ZNF268: variants seen among roughly 807,000 people sequenced by gnomAD.
The protein encoded by ZNF268 is zinc finger protein 3.
ZNF268 carries 20 observed loss-of-function variants against 29.3 expected under a neutral mutation model. The ratio of observed to expected loss-of-function variants is 0.68; its 90% CI spans 0.48 to 0.99. The LOEUF is 0.99. ZNF268 is among the 50% of genes least tolerant of loss of function. ZNF268 has a pLI of 0.00. For missense variants in ZNF268, 1,240 were observed against 1,121.6 expected (o/e 1.11, Z -1.51); for synonymous variants, 429 against 376.9 (o/e 1.14, Z -1.60).
chr12:133,196,353 G>A (rs560683622), intron 5 of ZNF268, among the ~76,000 whole-genome samples: 1 of 146,372 alleles, frequency 6.8e-6, no homozygotes, highest in African/African-American at 2.5e-5. Flanking sequence ...CTGTCTTTTA[G>A]TTACTGGGTT....
Position 133,203,628 on chromosome 12 carries a change from G to T in ZNF268, c.1942G>T (p.Ala648Ser). Residue 648 changes from alanine (A) to serine (S), a missense_variant, in exon 6 of 6, where the codon GCC becomes TCC. Ala to Ser is a moderately conservative substitution (Grantham distance 99). Around this residue, in one of 3 missense-constraint regions of ZNF268, gnomAD observed 1,177 missense variants for 1,039.6 expected, o/e 1.13. Coordinates refer to ENST00000536435, the MANE Select transcript of ZNF268 (RefSeq NM_003415.3). ...CTATAGTTGTAATGAATGTGGAAAA[G>T]CCTTTACGTTCAAATCACAGCTCAT... ...KPYSCNECGK[A>S]FTFKSQLIVH... The T allele has an allele frequency of 6.4e-7, 1 of 1,565,330 alleles. No homozygotes were observed. The highest frequency in any genetic ancestry group is 1.9e-5 in the Admixed American group (1 of 53,098).
At chr12:133,190,486 C>T (rs1379731982) in intron 3 of ZNF268, among the ~76,000 whole-genome samples, 1 of 152,072 alleles carries the variant, frequency 6.6e-6, no homozygotes, top group Non-Finnish European at 1.5e-5. Context: ...GGATTTTATC[C>T]ATTCTAATAG....
intron 5 of ZNF268, among the ~76,000 whole-genome samples, chr12:133,195,494 C>G (rs1956571378): frequency 6.6e-6 from 1 of 152,098 alleles, no homozygotes; most frequent in Non-Finnish European, 1.5e-5. Flanking sequence ...CACTTGAGGC[C>G]AGGAGCTTAA....
Position 133,203,890 on chromosome 12 carries a change from T to A in ZNF268, c.2204T>A (p.Phe735Tyr). Residue 735 changes from phenylalanine (F) to tyrosine (Y), a missense_variant, in exon 6 of 6, where the codon TTC becomes TAC. By Grantham distance (22) the Phe-to-Tyr change is conservative (BLOSUM62 3). Transcript: ENST00000536435. ...AGGGAATGCGGGAAATCCTTTAGTTTCAATTCACAACTCATTGTGCATCAG... is the reference window on the plus strand; with the variant it reads ...AGGGAATGCGGGAAATCCTTTAGTTACAATTCACAACTCATTGTGCATCAG... The part of the protein sequence containing the change: ...ECRECGKSFS[F>Y]NSQLIVHQRI... The A allele has an allele frequency of 3.8e-6, 6 of 1,576,684 alleles. No homozygotes were observed. The highest frequency in any genetic ancestry group is 5.2e-6 in the Non-Finnish European group (6 of 1,164,700).
In ZNF268 at chr12:133,204,155, C is replaced by T; in HGVS notation, c.2469C>T (p.Leu823=). 5.2e-6 allele frequency: 8 copies of T among 1,542,482 alleles called. No individual in the cohort carries two copies. The highest frequency in any genetic ancestry group is 6.1e-6 in the Non-Finnish European group (7 of 1,147,296). ...CGKAFIWKSL[L]IVHERTHAGV... ...AAGCCTTCATTTGGAAATCACTACT[C>T]ATTGTACATGAGCGAACTCATGCAG... The change falls in exon 6 of 6, where the codon CTC becomes CTT. Residue 823 remains leucine, a synonymous_variant. Transcript: ENST00000536435.
Position 133,203,753 on chromosome 12 carries a change from T to G in ZNF268, c.2067T>G (p.Ser689Arg), listed in dbSNP as rs1956819168. 6.4e-7 allele frequency: 1 copy of G among 1,560,380 alleles called. No individual in the cohort carries two copies. Among genetic ancestry groups the G allele is most frequent in the African/African-American group, 1.4e-5 (1 of 73,602 alleles). ...CCCAGCTCATTGTACATCAGAGAAG[T>G]CACACAGGAGTAAAACCATATGGAT... ...LKSQLIVHQR[S>R]HTGVKPYGCS... The change falls in exon 6 of 6, where the codon AGT becomes AGG. Residue 689 changes from serine to arginine, a missense_variant. This residue lies in a region of ZNF268 where 1,177 missense variants were observed against 1,039.6 expected (regional missense o/e 1.13). Transcript: ENST00000536435.
chr12:133,202,102 T>G (rs572726136), intron 5 of ZNF268, 42 bp from the exon 6 acceptor site: 1 of 1,474,676 alleles, frequency 6.8e-7, no homozygotes, highest in African/African-American at 1.4e-5. Context: ...TATACCGCAA[T>G]CATGTGATTT....
chr12:133,200,056 T>C (rs1031243883), intron 5 of ZNF268, among the ~76,000 whole-genome samples: 1 of 152,206 alleles, frequency 6.6e-6, no homozygotes, highest in African/African-American at 2.4e-5. Flanking sequence ...TAGTTATTTC[T>C]TGCCTTCTTC....
chr12:133,193,443 A>T, intron 5 of ZNF268: 1 of 685,178 alleles, frequency 1.5e-6, no homozygotes, highest in South Asian at 1.6e-5. Context: ...AAGGCTGGAA[A>T]GTCCAAAGCC....
intron 2 of ZNF268, among the ~76,000 whole-genome samples, chr12:133,183,100 T>C (rs1475816059): frequency 6.6e-6 from 1 of 152,192 alleles, no homozygotes; most frequent in East Asian, 1.9e-4. Context: ...GCACTTCTTA[T>C]GGGACTCTAA....
At chr12:133,184,396 C>T (rs1432771549) in intron 2 of ZNF268, among the ~76,000 whole-genome samples, 1 of 152,060 alleles carries the variant, frequency 6.6e-6, no homozygotes, top group Non-Finnish European at 1.5e-5. Flanking sequence ...TGAGCCACCG[C>T]ACCCGGCTCT....
At chr12:133,202,090 AG>A (rs1956763802) in intron 5 of ZNF268, 53 bp from the exon 6 acceptor site, 1 of 1,409,990 alleles carries the variant, frequency 7.1e-7, no homozygotes, top group Non-Finnish European at 9.5e-7. Flanking sequence ...GCAACTTTCT[AG>A]TATACCGCAA....
In ZNF268 at chr12:133,206,270, T is replaced by G. The variant is rs540703494; in HGVS notation, c.*1740T>G. On this transcript the variant is annotated 3_prime_UTR_variant, in exon 6 of 6. Transcript: ENST00000536435. ...GCTATGAAGTCATGAAATGAATTGT[T>G]GGCATCATGTGCTCACTGAGGCTTT... 5 of 152,358 alleles carry G rather than the reference T, an allele frequency of 3.3e-5. No individual in the cohort carries two copies. In the South Asian group the frequency reaches 8.3e-4, roughly 25 times the overall value. 9.4% of individuals were successfully genotyped at this position (152,358 alleles called of 1,614,324 possible). A position where few individuals can be genotyped will look rare whatever the true frequency, so the allele number is the denominator to read the frequency against.
rs377566580 is a variant in ZNF268 at position 133,202,785 on chromosome 12, A to G, written c.1099A>G (p.Lys367Glu). 13 of 1,610,148 alleles carry G rather than the reference A, an allele frequency of 8.1e-6. No homozygotes were observed. Among genetic ancestry groups the G allele is most frequent in the Admixed American group, 1.7e-5 (1 of 59,610 alleles). The change falls in exon 6 of 6, where the codon AAA (lysine) becomes GAA (glutamate). Residue 367 changes from lysine to glutamate, a missense_variant. By Grantham distance (56) the Lys-to-Glu change is moderately conservative. Around this residue, in one of 3 missense-constraint regions of ZNF268, gnomAD observed 1,177 missense variants for 1,039.6 expected, o/e 1.13. Coordinates refer to ENST00000536435, the MANE Select transcript of ZNF268 (RefSeq NM_003415.3). ...ENPYECCECG[K>E]VFSRKDQLVS... ...TCCCTATGAGTGCTGTGAATGTGGG[A>G]AAGTCTTCAGTAGGAAAGACCAGCT...
At position 133,191,534 on chromosome 12, in the gene ZNF268, G is replaced by A; in HGVS notation, c.280G>A (p.Glu94Lys). 6.2e-7 allele frequency: 1 copy of A among 1,613,988 alleles called. No individual in the cohort carries two copies. Reference protein sequence around the residue: ...MDVFVDFTWEEWQLLDPAQKC... With the variant: ...MDVFVDFTWEKWQLLDPAQKC... ...TGTGTTTGTGGATTTTACCTGGGAG[G>A]AGTGGCAGCTGCTAGACCCAGCACA... The change falls in exon 4 of 6, where the codon GAG (glutamate) becomes AAG (lysine). Residue 94 changes from glutamate to lysine, a missense_variant. Physicochemically the swap from Glu to Lys is moderately conservative, Grantham distance 56. This residue lies in a region of ZNF268 where 1,177 missense variants were observed against 1,039.6 expected (regional missense o/e 1.13). Transcript: ENST00000536435.
intron 5 of ZNF268, among the ~76,000 whole-genome samples, chr12:133,200,787 C>G (rs1956734687): frequency 6.6e-6 from 1 of 152,010 alleles, no homozygotes; most frequent in Non-Finnish European, 1.5e-5. Context: ...CTCTTTTTAA[C>G]TCTTGTGGTA....
At position 133,213,013 on chromosome 12, in the gene ZNF268, C is replaced by T. The variant is rs894691069; in HGVS notation, c.*8483C>T. 1 of 152,174 alleles carries T rather than the reference C, an allele frequency of 6.6e-6. No individual in the cohort carries two copies. 9.4% of individuals were successfully genotyped at this position (152,174 alleles called of 1,614,324 possible). A position where few individuals can be genotyped will look rare whatever the true frequency, so the allele number is the denominator to read the frequency against. The stretch of plus-strand genomic sequence containing the variant: ...TACAGGCATGTGCCACCATGTATGG[C>T]TATTTTTTGTATTTTTAGTAGAGAC... On this transcript the variant is annotated 3_prime_UTR_variant, in exon 6 of 6. Transcript: ENST00000536435.
rs1312217314 is a variant in ZNF268, at chr12:133,211,696, A to G, written c.*7166A>G. 1 of 152,450 alleles carries G rather than the reference A, an allele frequency of 6.6e-6. No homozygotes were observed. Among genetic ancestry groups the G allele is most frequent in the East Asian group, 1.9e-4 (1 of 5,200 alleles). 9.4% of individuals were successfully genotyped at this position (152,450 alleles called of 1,614,324 possible). A position where few individuals can be genotyped will look rare whatever the true frequency, so the allele number is the denominator to read the frequency against. Reference sequence around the variant, plus strand: ...TTAAAACAACGAGATAGCACCGCACATCTATTAAAGTGACTATAATCTAAA... The same window carrying G: ...TTAAAACAACGAGATAGCACCGCACGTCTATTAAAGTGACTATAATCTAAA... On this transcript the variant is annotated 3_prime_UTR_variant, in exon 6 of 6. Transcript: ENST00000536435.
intron 2 of ZNF268, among the ~76,000 whole-genome samples, chr12:133,187,174 C>T (rs1026388205): frequency 2.6e-5 from 4 of 151,900 alleles, no homozygotes; most frequent in African/African-American, 9.7e-5. Flanking sequence ...ATTTTTTATT[C>T]CTTTTTTTTT....
Sources: gnomAD v4.1 joint callset for allele counts (sites outside exome capture counted in the v4.1 genomes callset) on GRCh38, gnomAD v4.1.1 for gene constraint, gnomAD v4.1.1 regional missense constraint, MANE v1.5 for transcripts, NCBI Gene and HGNC (gene_info 2026-07-23, HGNC 2026-07-21) for gene names.